The following TMEM178B variants were observed in gnomAD, a reference collection of about 807,000 sequenced individuals.
The protein encoded by TMEM178B is transmembrane protein 178B.
TMEM178B carries 5 observed loss-of-function variants against 31.0 expected under a neutral mutation model. The ratio of observed to expected loss-of-function variants is 0.16; its 90% CI spans 0.08 to 0.34. The LOEUF (loss-of-function observed/expected upper bound fraction) is 0.34, where lower values mean the gene tolerates loss of function less well. Ranked by LOEUF, TMEM178B falls within the 10% of genes least tolerant of loss-of-function variation. TMEM178B has a pLI of 1.00. For missense variants in TMEM178B, 275 were observed against 400.3 expected, an observed-to-expected ratio of 0.69 and a Z score of 2.67; for synonymous variants, 164 against 164.0, an observed-to-expected ratio of 1.00 and a Z score of 0.00.
intron 1 of TMEM178B, among the ~76,000 whole-genome samples, chr7:141,186,733 A>T (rs1479884936): frequency 2.0e-5 from 3 of 152,156 alleles, no homozygotes; most frequent in Non-Finnish European, 4.4e-5. Context: ...GAAAACTGTT[A>T]TGTGAGTGGG....
chr7:141,481,637 A>G (rs1467612077), downstream of TMEM178B, among the ~76,000 whole-genome samples: 1 of 152,182 alleles, frequency 6.6e-6, no homozygotes, highest in East Asian at 1.9e-4. Context: ...TCCTGGAGGT[A>G]ACAGAGACAG....
chr7:141,423,330 A>C (rs1356768570), intron 2 of TMEM178B, among the ~76,000 whole-genome samples: 3 of 152,360 alleles, frequency 2.0e-5, no homozygotes, highest in African/African-American at 4.8e-5. Flanking sequence ...TGCCCAGCCC[A>C]TAATGTACTT....
At chr7:141,459,613 G>A (rs1193769788) in intron 3 of TMEM178B, among the ~76,000 whole-genome samples, 3 of 152,216 alleles carry the variant, frequency 2.0e-5, no homozygotes, top group Non-Finnish European at 4.4e-5. Context: ...TTCAGGACTA[G>A]GATTAGAACA....
At chr7:141,503,580 C>A in the TMEM178B span, among the ~76,000 whole-genome samples, 1 of 152,296 alleles carries the variant, frequency 6.6e-6, no homozygotes, top group Middle Eastern at 3.4e-3. Flanking sequence ...TCCTGATGCC[C>A]CAACCCTCAA....
At chr7:141,169,202 T>G (rs1463663929) in intron 1 of TMEM178B, among the ~76,000 whole-genome samples, 1 of 152,206 alleles carries the variant, frequency 6.6e-6, no homozygotes, top group African/African-American at 2.4e-5. Context: ...CCTTTCACCC[T>G]CCACCATCCG....
intron 1 of TMEM178B, among the ~76,000 whole-genome samples, chr7:141,146,816 TCTC>T (rs1795860176): frequency 1.3e-5 from 2 of 152,136 alleles, no homozygotes; most frequent in Non-Finnish European, 2.9e-5. Context: ...TCCCACCCCT[TCTC>T]CTGCTCCCTA....
intron 3 of TMEM178B, among the ~76,000 whole-genome samples, chr7:141,458,873 C>A (rs577900162): frequency 2.6e-5 from 4 of 152,036 alleles, no homozygotes; most frequent in Non-Finnish European, 4.4e-5. Flanking sequence ...CCTGTGCGCA[C>A]GCACACACAC....
At chr7:141,119,510 C>T (rs1014446969) in intron 1 of TMEM178B, among the ~76,000 whole-genome samples, 1 of 152,200 alleles carries the variant, frequency 6.6e-6, no homozygotes, top group Non-Finnish European at 1.5e-5. Context: ...TGCCTAATGT[C>T]GATTGCTCAC....
At chr7:141,499,464 C>CAAA in the TMEM178B span, among the ~76,000 whole-genome samples, 2,551 of 48,322 alleles carry the variant, frequency 0.053, 165 homozygotes, top group African/African-American at 0.12. Context: ...CACATCTCTA[C>CAAA]AAAAAAAAAA....
chr7:141,419,992 T>C (rs1801174297), intron 2 of TMEM178B, among the ~76,000 whole-genome samples: 1 of 152,200 alleles, frequency 6.6e-6, no homozygotes, highest in Admixed American at 6.5e-5. Context: ...CCTTTGCATC[T>C]GCTGTTCCCT....
intron 2 of TMEM178B, among the ~76,000 whole-genome samples, chr7:141,355,707 C>A (rs542540535): frequency 6.6e-6 from 1 of 152,126 alleles, no homozygotes; most frequent in Non-Finnish European, 1.5e-5. Flanking sequence ...ATCACCTGTG[C>A]TTTTTATTCA....
intron 1 of TMEM178B, among the ~76,000 whole-genome samples, chr7:141,076,142 A>C (rs1049271864): frequency 7.9e-5 from 12 of 152,204 alleles, no homozygotes; most frequent in African/African-American, 2.7e-4. Context: ...ACCCATTTGG[A>C]GCACTACCAC....
chr7:141,281,452 C>T (rs1343003953), intron 2 of TMEM178B, among the ~76,000 whole-genome samples: 1 of 152,130 alleles, frequency 6.6e-6, no homozygotes, highest in Non-Finnish European at 1.5e-5. Context: ...TATCTAGTCT[C>T]TAGTTGAGGA....
At chr7:141,217,090 G>A (rs965824006) in intron 2 of TMEM178B, among the ~76,000 whole-genome samples, 3 of 152,150 alleles carry the variant, frequency 2.0e-5, no homozygotes, top group Non-Finnish European at 4.4e-5. Flanking sequence ...GGGAAGTGGT[G>A]GCATTTTAAA....
At position 141,146,061 on chromosome 7, in the gene TMEM178B, C is replaced by A. The variant is rs138254711; in HGVS notation, c.383-66530C>A. The stretch of plus-strand genomic sequence containing the variant: ...ACTGTGTTCAATACTTTTATATCCT[C>A]TATCCATTTAATCCTAATAAAGCTC... On this transcript the variant is annotated intron_variant, in intron 1 of 3. Coordinates refer to ENST00000565468, the MANE Select transcript of TMEM178B (RefSeq NM_001195278.2). Among the ~76,000 whole-genome samples, 773 of 152,330 alleles carry A rather than the reference C, an allele frequency of 5.1e-3. 13 individuals are homozygous for A. Among genetic ancestry groups the A allele is most frequent in the African/African-American group, 0.018 (743 of 41,570 alleles).
intron 2 of TMEM178B, among the ~76,000 whole-genome samples, chr7:141,227,101 A>T (rs536135763): frequency 4.6e-5 from 7 of 152,252 alleles, no homozygotes; most frequent in African/African-American, 1.7e-4. Flanking sequence ...AGTGAGAGAG[A>T]CACCTTAGGG....
At chr7:141,288,867 A>C (rs967362622) in intron 2 of TMEM178B, among the ~76,000 whole-genome samples, 1 of 152,204 alleles carries the variant, frequency 6.6e-6, no homozygotes, top group African/African-American at 2.4e-5. Flanking sequence ...CTGACCTAGC[A>C]GTTCATTCAA....
At chr7:141,417,496 GTGAA>G (rs141189143) in intron 2 of TMEM178B, among the ~76,000 whole-genome samples, 57 of 152,290 alleles carry the variant, frequency 3.7e-4, no homozygotes, top group African/African-American at 1.2e-3. Context: ...GAATGAGTCA[GTGAA>G]TGAATGAATG....
At chr7:141,419,699 G>A (rs1801165545) in intron 2 of TMEM178B, among the ~76,000 whole-genome samples, 1 of 152,186 alleles carries the variant, frequency 6.6e-6, no homozygotes, top group Non-Finnish European at 1.5e-5. Context: ...GATTGACCAA[G>A]TGAATTCCTC....
Sources: gnomAD v4.1 joint callset for allele counts (sites outside exome capture counted in the v4.1 genomes callset) on GRCh38, gnomAD v4.1.1 for gene constraint, MANE v1.5 for transcripts, NCBI Gene and HGNC (gene_info 2026-07-23, HGNC 2026-07-21) for gene names.